Variants in TPO observed in about 807,000 individuals in gnomAD.
The protein encoded by TPO is thyroid peroxidase, also known as thyroid microsomal antigen.
TPO carries 78 observed loss-of-function variants against 96.9 expected under a neutral mutation model. The ratio of observed to expected loss-of-function variants is 0.81; its 90% CI spans 0.67 to 0.97. The LOEUF (loss-of-function observed/expected upper bound fraction) is 0.97. Ranked by LOEUF, TPO falls within the 50% of genes least tolerant of loss-of-function variation. TPO has a pLI of 0.00. For synonymous variants in TPO, 547 were observed against 538.0 expected (o/e 1.02, Z -0.23); for missense variants, 1,252 against 1,274.8 (o/e 0.98, Z 0.27).
At chr2:1,400,965 C>T (rs956144215) in intron 1 of TPO, among the ~76,000 whole-genome samples, 5 of 152,196 alleles carry the variant, frequency 3.3e-5, no homozygotes, top group African/African-American at 9.7e-5. Context: ...AAGCCTTCCT[C>T]GTGGCCTGAA....
intron 15 of TPO, among the ~76,000 whole-genome samples, chr2:1,518,233 A>G (rs1674916424): frequency 6.6e-6 from 1 of 152,268 alleles, no homozygotes; most frequent in African/African-American, 2.4e-5. Flanking sequence ...TCATTTTTCT[A>G]GCAACTTCTC....
chr2:1,408,772 A>C (rs1168756947), upstream of TPO, among the ~76,000 whole-genome samples: 1 of 152,246 alleles, frequency 6.6e-6, no homozygotes, highest in Non-Finnish European at 1.5e-5. Context: ...AGTAGGAAGG[A>C]CACGGGGAAA....
intron 1 of TPO, among the ~76,000 whole-genome samples, chr2:1,380,699 T>C (rs998455877): frequency 1.3e-5 from 2 of 152,174 alleles, no homozygotes; most frequent in African/African-American, 4.8e-5. Context: ...TCCATAAGGA[T>C]AGGTCTCATC....
At chr2:1,416,626 G>A (rs573826125) in intron 2 of TPO, among the ~76,000 whole-genome samples, 94 of 152,320 alleles carry the variant, frequency 6.2e-4, no homozygotes, top group African/African-American at 2.2e-3. Flanking sequence ...ACTGCCCCGC[G>A]TGCTGGGCAC....
At chr2:1,477,888 C>T (rs766888533) in intron 8 of TPO, 412 of 985,438 alleles carry the variant, frequency 4.2e-4, no homozygotes, top group Non-Finnish European at 4.7e-4. Context: ...TGCTTACCCT[C>T]CAGCCGGCTG....
At chr2:1,510,769 T>A (rs1387994325) in intron 14 of TPO, among the ~76,000 whole-genome samples, 1 of 152,134 alleles carries the variant, frequency 6.6e-6, no homozygotes, top group African/African-American at 2.4e-5. Flanking sequence ...TCTGAGAGAT[T>A]AATACACAGG....
intron 14 of TPO, among the ~76,000 whole-genome samples, chr2:1,513,130 C>T (rs1320099741): frequency 6.6e-6 from 1 of 152,260 alleles, no homozygotes; most frequent in African/African-American, 2.4e-5. Context: ...GATGCACCAG[C>T]TCTGTCACTG....
chr2:1,439,232 A>G (rs1483077720), intron 5 of TPO: 1 of 195,542 alleles, frequency 5.1e-6, no homozygotes, highest in Non-Finnish European at 1.1e-5. Context: ...ACACAATGAC[A>G]TTGGCACTGG....
rs966502085 is a variant in TPO, at chr2:1,493,961, T to C, written c.1928T>C (p.Phe643Ser). The C allele has an allele frequency of 1.2e-6, 2 of 1,613,926 alleles. No individual in the cohort carries two copies. Among genetic ancestry groups the C allele is most frequent in the African/African-American group, 2.7e-5 (2 of 74,892 alleles). The change falls in exon 11 of 17, where the codon TTC (phenylalanine) becomes TCC (serine). Residue 643 changes from phenylalanine (F) to serine (S), a missense_variant. Physicochemically the swap from Phe to Ser is radical, Grantham distance 155. Transcript: ENST00000329066. ...DVWLGGLAEN[F>S]LPRARTGPLF... ...TGGCTGGGAGGCTTAGCTGAAAACT[T>C]CCTCCCCAGGGCTCGGACAGGGCCC...
chr2:1,533,038 A>T (rs1400357379), intron 15 of TPO, among the ~76,000 whole-genome samples: 3 of 52,522 alleles, frequency 5.7e-5, no homozygotes, highest in Admixed American at 2.7e-4. Flanking sequence ...CCCCCCAAAA[A>T]TCCCCCCACT....
At position 1,453,762 on chromosome 2, in the gene TPO, G is replaced by A. The variant is rs1484621876; in HGVS notation, c.551G>A (p.Gly184Asp). Residue 184 changes from glycine (G) to aspartate (D), a missense_variant, in exon 6 of 17, where the codon GGC becomes GAC. Transcript: ENST00000329066. ...TGGCTCCCTCCAGTCTATGAGGACG[G>A]CTTCAGTCAGCCCCGAGGCTGGAAC... is the stretch of plus-strand genomic sequence containing the variant. ...ARWLPPVYEDGFSQPRGWNPG... is the reference protein window; with the variant it reads ...ARWLPPVYEDDFSQPRGWNPG... The A allele has an allele frequency of 1.2e-6, 2 of 1,613,784 alleles. No homozygotes were observed. The highest frequency in any genetic ancestry group is 4.5e-5 in the East Asian group (2 of 44,890).
chr2:1,453,828 G>T lies in TPO; in HGVS notation c.612+5G>T. The T allele has an allele frequency of 3.1e-6, 5 of 1,613,688 alleles. No individual in the cohort carries two copies. Among genetic ancestry groups the T allele is most frequent in the Non-Finnish European group, 4.2e-6 (5 of 1,180,034 alleles). On this transcript the variant is annotated splice_donor_5th_base_variant and intron_variant, in intron 6 of 16. Coordinates refer to ENST00000329066, the MANE Select transcript of TPO (RefSeq NM_001206744.2). The stretch of plus-strand genomic sequence containing the variant: ...AACGGGTTCCCACTGCCCCCGGTGG[G>T]TACTCAGAACGCTACTATCCTGGAC...
chr2:1,529,842 G>T (rs868860391), intron 15 of TPO, among the ~76,000 whole-genome samples: 1,690 of 12,276 alleles, frequency 0.14, no homozygotes, highest in Non-Finnish European at 0.16. Context: ...TCCCCCCGAC[G>T]CTGTGCAACC....
At chr2:1,455,141 G>A (rs548487794) in intron 6 of TPO, among the ~76,000 whole-genome samples, 29 of 152,226 alleles carry the variant, frequency 1.9e-4, no homozygotes, top group East Asian at 1.7e-3. Context: ...TCCACCTCCC[G>A]TCAGGAGAGG....
intron 14 of TPO, chr2:1,512,599 C>T (rs1674272725): frequency 1.9e-6 from 1 of 531,158 alleles, no homozygotes; most frequent in African/African-American, 2.1e-5. Context: ...ACACGTCTTC[C>T]CGCTGAGCCC....
At chr2:1,422,991 A>C in intron 2 of TPO, 54 bp from the exon 3 acceptor site, 4 of 1,578,824 alleles carry the variant, frequency 2.5e-6, no homozygotes, top group Non-Finnish European at 3.5e-6. Flanking sequence ...CAACACTGTC[A>C]GTGAATCGCT....
chr2:1,530,644 C>A (rs112910540), intron 15 of TPO, among the ~76,000 whole-genome samples: 1 of 87,324 alleles, frequency 1.1e-5, no homozygotes, highest in Non-Finnish European at 2.2e-5. Flanking sequence ...CTCTCTGCAA[C>A]CTCCCCAAAT....
rs1676731227 is a variant in TPO, at chr2:1,527,078, C to T, written c.2618+10096C>T. On this transcript the variant is annotated intron_variant, in intron 15 of 16. Coordinates refer to ENST00000329066, the MANE Select transcript of TPO (RefSeq NM_001206744.2). ...CCTCCTCAAATCCCCTCACTGTGTGCCACCTCCCCAAATCCCCCCACTTTC... is the reference window on the plus strand; with the variant it reads ...CCTCCTCAAATCCCCTCACTGTGTGTCACCTCCCCAAATCCCCCCACTTTC... 2.5e-5 allele frequency among the ~76,000 whole-genome samples: 3 copies of T among 120,576 alleles called. No individual in the cohort carries two copies. The Admixed American group carries it at 2.7e-4, about 11-fold the overall frequency. 79.1% of individuals were successfully genotyped at this position (120,576 alleles called of 152,430 possible).
rs1485070013 is a variant in TPO, at chr2:1,543,208, C to CCCTGTAAAG, written c.*736_*744dup. The CCCTGTAAAG allele has an allele frequency of 2.0e-5, 3 of 152,668 alleles. No individual in the cohort carries two copies. The highest frequency in any genetic ancestry group is 4.8e-5 in the African/African-American group (2 of 41,448). The allele number at this position is 152,668 out of a possible 1,614,324, so 9.5% of individuals were successfully genotyped here. ...CTCGGGGGCACCGTTAGCCACGCGA[C>CCCTGTAAAG]CCTGTAAAGCTGCCGTCCTCATTTC... On this transcript the variant is annotated 3_prime_UTR_variant, in exon 17 of 17. Transcript: ENST00000329066.
Sources: allele counts gnomAD v4.1 joint callset (sites outside exome capture counted in the v4.1 genomes callset), GRCh38; gene constraint gnomAD v4.1.1; transcripts MANE v1.5; gene names NCBI Gene and HGNC (gene_info 2026-07-23, HGNC 2026-07-21).